Variants in PALM2AKAP2 observed in about 807,000 individuals in gnomAD.
The protein encoded by PALM2AKAP2 is PALM2-AKAP2 fusion protein.
Under a neutral mutation model 71.5 loss-of-function variants are expected in PALM2AKAP2, and 37 were observed. That is an observed-to-expected ratio of 0.52 (90% CI 0.40 to 0.68). The LOEUF is 0.68. Ranked by LOEUF, PALM2AKAP2 falls within the 30% of genes least tolerant of loss-of-function variation. PALM2AKAP2 has a pLI of 0.00. For synonymous variants in PALM2AKAP2, 468 were observed against 478.8 expected (o/e 0.98, Z 0.29); for missense variants, 1,224 against 1,191.8 (o/e 1.03, Z -0.40).
intron 1 of PALM2AKAP2, among the ~76,000 whole-genome samples, chr9:109,817,069 G>A (rs989931230): frequency 5.9e-5 from 9 of 152,092 alleles, no homozygotes; most frequent in Non-Finnish European, 1.5e-5. Flanking sequence ...GTATTTTAAG[G>A]AATAAATCTT....
At chr9:109,654,987 C>T (rs1827278994) in intron 1 of PALM2AKAP2, among the ~76,000 whole-genome samples, 1 of 152,072 alleles carries the variant, frequency 6.6e-6, no homozygotes, top group Non-Finnish European at 1.5e-5. Context: ...TTCCTGCTTC[C>T]TAAGATTGGT....
intron 1 of PALM2AKAP2, among the ~76,000 whole-genome samples, chr9:109,696,915 G>A (rs1007247392): frequency 2.0e-5 from 3 of 152,114 alleles, no homozygotes; most frequent in Non-Finnish European, 2.9e-5. Flanking sequence ...AACTCAAAAT[G>A]TTTTCCTGCT....
At chr9:109,783,401 C>CCT (rs1158107917) in intron 1 of PALM2AKAP2, among the ~76,000 whole-genome samples, 2 of 151,928 alleles carry the variant, frequency 1.3e-5, no homozygotes, top group African/African-American at 4.8e-5. Flanking sequence ...CATCCTGAAA[C>CCT]CATCCTCCCA....
chr9:109,802,128 G>A (rs1204760300), intron 1 of PALM2AKAP2, among the ~76,000 whole-genome samples: 1 of 152,184 alleles, frequency 6.6e-6, no homozygotes, highest in Non-Finnish European at 1.5e-5. Flanking sequence ...GGCCCTGAGC[G>A]TGTTTCTCTA....
intron 1 of PALM2AKAP2, among the ~76,000 whole-genome samples, chr9:109,864,769 G>A (rs1290474116): frequency 3.3e-5 from 5 of 152,222 alleles, no homozygotes; most frequent in Non-Finnish European, 7.3e-5. Flanking sequence ...TAGGAAAAGT[G>A]TATCAGCCCC....
chr9:109,730,475 G>C (rs894919923), intron 1 of PALM2AKAP2, among the ~76,000 whole-genome samples: 1 of 152,170 alleles, frequency 6.6e-6, no homozygotes, highest in African/African-American at 2.4e-5. Context: ...AATGTTGCCT[G>C]AGGCTGCATC....
At chr9:109,782,265 A>G (rs1826825626) in intron 1 of PALM2AKAP2, among the ~76,000 whole-genome samples, 2 of 152,216 alleles carry the variant, frequency 1.3e-5, no homozygotes, top group Non-Finnish European at 2.9e-5. Flanking sequence ...ATAAGAATAC[A>G]CACAAATACT....
chr9:109,903,792 ATT>A (rs759047872), intron 3 of PALM2AKAP2, among the ~76,000 whole-genome samples: 76 of 140,988 alleles, frequency 5.4e-4, no homozygotes, highest in Admixed American at 5.7e-4. Context: ...GATTTTCTGG[ATT>A]TTTTTTTTTT....
At chr9:109,858,017 C>T (rs1159540560) in intron 1 of PALM2AKAP2, among the ~76,000 whole-genome samples, 1 of 152,198 alleles carries the variant, frequency 6.6e-6, no homozygotes. Context: ...AAACTTCGTG[C>T]TAGGTAGAAA....
chr9:110,172,202 A>G (rs939678262), exon 4 of PALM2AKAP2: 2 of 152,616 alleles, frequency 1.3e-5, no homozygotes, highest in African/African-American at 4.8e-5. Flanking sequence ...AGTGTTAGAG[A>G]TGGTGAATAT....
At chr9:110,011,014 A>AAAAAAATATATATAT (rs35212981) in intron 6 of PALM2AKAP2, among the ~76,000 whole-genome samples, 3 of 69,586 alleles carry the variant, frequency 4.3e-5, no homozygotes, top group African/African-American at 2.3e-4. Flanking sequence ...AAAAAAAAAA[A>AAAAAAATATATATAT]ATATATATAT....
At chr9:110,025,374 G>A (rs1833160257) in intron 7 of PALM2AKAP2, 1 of 929,214 alleles carries the variant, frequency 1.1e-6, no homozygotes, top group Admixed American at 1.7e-5. Context: ...CGAATTACTG[G>A]AAGATGGAGG....
At chr9:110,107,302 C>T (rs1835141483) in intron 1 of PALM2AKAP2, among the ~76,000 whole-genome samples, 2 of 152,190 alleles carry the variant, frequency 1.3e-5, no homozygotes, top group South Asian at 4.1e-4. Flanking sequence ...GTTAATTGCC[C>T]TGATCTGATC....
chr9:109,691,889 T>TATACAC (rs1827897853), intron 1 of PALM2AKAP2, among the ~76,000 whole-genome samples: 2 of 68,744 alleles, frequency 2.9e-5, no homozygotes, highest in Non-Finnish European at 5.9e-5. Flanking sequence ...CACATATATA[T>TATACAC]ATATATATAT....
chr9:110,105,243 G>C (rs931381422), intron 1 of PALM2AKAP2, among the ~76,000 whole-genome samples: 1 of 152,144 alleles, frequency 6.6e-6, no homozygotes, highest in Non-Finnish European at 1.5e-5. Context: ...AAAGCCCTTG[G>C]GTTACTTTTT....
At chr9:110,006,712 A>G (rs923777802) in intron 6 of PALM2AKAP2, among the ~76,000 whole-genome samples, 5 of 152,222 alleles carry the variant, frequency 3.3e-5, no homozygotes, top group South Asian at 2.1e-4. Context: ...AGAAAAAAAT[A>G]TAAATTTATA....
intron 6 of PALM2AKAP2, among the ~76,000 whole-genome samples, chr9:109,976,580 A>G (rs546026693): frequency 6.6e-6 from 1 of 152,306 alleles, no homozygotes; most frequent in African/African-American, 2.4e-5. Context: ...AGTGTTTCAG[A>G]AGAGAAAATA....
intron 1 of PALM2AKAP2, chr9:109,765,468 G>GATC (rs375687048): frequency 2.1e-5 from 3 of 141,714 alleles, no homozygotes; most frequent in Non-Finnish European, 4.8e-5. Flanking sequence ...TCATGATCAT[G>GATC]ATCATGATCA....
intron 1 of PALM2AKAP2, chr9:110,090,234 C>G (rs1320370289): frequency 2.4e-6 from 1 of 410,180 alleles, no homozygotes; most frequent in African/African-American, 2.0e-5. Flanking sequence ...GAGCTCAGTC[C>G]TGCTTCCCCT....
Sources: allele counts gnomAD v4.1 joint callset (sites outside exome capture counted in the v4.1 genomes callset), GRCh38; gene constraint gnomAD v4.1.1; transcripts MANE v1.5; gene names NCBI Gene and HGNC (gene_info 2026-07-23, HGNC 2026-07-21).